The following DEUP1 variants were observed in gnomAD, a reference collection of about 807,000 sequenced individuals.
DEUP1 encodes deuterosome assembly protein 1, also known as coiled-coil domain containing 67.
A neutral mutation model predicts 87.4 loss-of-function variants in DEUP1; 82 were observed. The ratio of observed to expected loss-of-function variants is 0.94; its 90% CI spans 0.78 to 1.13. The LOEUF (loss-of-function observed/expected upper bound fraction) is 1.13, where lower values mean the gene tolerates loss of function less well. DEUP1 is among the 50% of genes most tolerant of loss of function. The pLI is 0.00. For synonymous variants in DEUP1, 214 were observed against 222.7 expected, an observed-to-expected ratio of 0.96 and a Z score of 0.35; for missense variants, 663 against 681.5, an observed-to-expected ratio of 0.97 and a Z score of 0.30.
chr11:93,358,246 T>C (rs1944990331), intron 4 of DEUP1, among the ~76,000 whole-genome samples: 1 of 152,198 alleles, frequency 6.6e-6, no homozygotes, highest in African/African-American at 2.4e-5. Flanking sequence ...GTTCTTGGCT[T>C]TGTTTACAGG....
At chr11:93,404,670 C>A (rs902166478) in intron 11 of DEUP1, among the ~76,000 whole-genome samples, 2 of 151,952 alleles carry the variant, frequency 1.3e-5, no homozygotes, top group Non-Finnish European at 2.9e-5. Context: ...CAGCCTCATC[C>A]TAATCTGTTG....
At chr11:93,429,437 C>T (rs917208791) in intron 13 of DEUP1, among the ~76,000 whole-genome samples, 1 of 152,116 alleles carries the variant, frequency 6.6e-6, no homozygotes, top group African/African-American at 2.4e-5. Flanking sequence ...TTCAGTCAAG[C>T]AATGGAAAAA....
At chr11:93,391,312 A>C (rs1172715516) in intron 9 of DEUP1, among the ~76,000 whole-genome samples, 2 of 152,208 alleles carry the variant, frequency 1.3e-5, no homozygotes, top group Non-Finnish European at 2.9e-5. Context: ...TTAAGAAAGA[A>C]GTTTTGCAGT....
Position 93,344,800 on chromosome 11 carries a change from A to G in DEUP1, c.30-10571A>G, listed in dbSNP as rs113542953. On this transcript the variant is annotated intron_variant, in intron 2 of 13. Coordinates refer to ENST00000298050, the MANE Select transcript of DEUP1 (RefSeq NM_181645.4). ...GAAAGTCATAATGGCATGTCTTGCC[A>G]ATGTGAAAATGGAAGTAATAAAATT... Among the ~76,000 whole-genome samples the G allele has an allele frequency of 1.4e-3, 219 of 152,264 alleles. 1 individual carries two copies. Among genetic ancestry groups the G allele is most frequent in the African/African-American group, 5.0e-3 (209 of 41,536 alleles).
chr11:93,349,986 A>G (rs1300715926), intron 2 of DEUP1, among the ~76,000 whole-genome samples: 1 of 152,222 alleles, frequency 6.6e-6, no homozygotes, highest in Non-Finnish European at 1.5e-5. Flanking sequence ...GGCTGGAGAC[A>G]GAATAACTAA....
At chr11:93,352,800 C>T (rs1418413307) in intron 2 of DEUP1, among the ~76,000 whole-genome samples, 5 of 152,226 alleles carry the variant, frequency 3.3e-5, no homozygotes, top group Middle Eastern at 3.4e-3. Flanking sequence ...TTCACTATCA[C>T]GAGAATAGCA....
intron 2 of DEUP1, among the ~76,000 whole-genome samples, chr11:93,335,908 A>G (rs905208844): frequency 2.6e-5 from 4 of 152,296 alleles, no homozygotes; most frequent in African/African-American, 9.6e-5. Flanking sequence ...TGAGGTTGGG[A>G]GTTCAAGACC....
Position 93,385,395 on chromosome 11 carries a change from C to T in DEUP1, c.790-3C>T. The T allele has an allele frequency of 6.2e-7, 1 of 1,611,484 alleles. No homozygotes were observed. Among genetic ancestry groups the T allele is most frequent in the East Asian group, 2.2e-5 (1 of 44,794 alleles). ...CATGAAATTTTTTGATGTTTTTATTCAGGCCATGGAAGCAGGTCTCTCAGA... is the reference window on the plus strand; with the variant it reads ...CATGAAATTTTTTGATGTTTTTATTTAGGCCATGGAAGCAGGTCTCTCAGA... On this transcript the variant is annotated splice_polypyrimidine_tract_variant and splice_region_variant and intron_variant, in intron 7 of 13. Transcript: ENST00000298050.
Position 93,437,742 on chromosome 11 carries a change from T to TGC in DEUP1, c.*23_*24insGC, listed in dbSNP as rs1565360125. The TGC allele has an allele frequency of 9.0e-7, 1 of 1,111,754 alleles. No individual in the cohort carries two copies. The highest frequency in any genetic ancestry group is 2.1e-5 in the African/African-American group (1 of 47,086). 68.9% of individuals were successfully genotyped at this position (1,111,754 alleles called of 1,614,324 possible). On this transcript the variant is annotated 3_prime_UTR_variant, in exon 14 of 14. Transcript: ENST00000298050. ...TGAGCTTTTAAACTTTTTTATTTGC[T>TGC]TCCCCCCCCCACCCCCGCCAAGAAA...
chr11:93,330,607 G>C (rs367812906), upstream of DEUP1: 11 of 152,570 alleles, frequency 7.2e-5, no homozygotes, highest in South Asian at 2.0e-3. Context: ...GCGCGGGGAG[G>C]GAGAGGCCCA....
intron 8 of DEUP1, among the ~76,000 whole-genome samples, 197 bp from the exon 9 acceptor site, chr11:93,388,823 G>T (rs1946673048): frequency 6.6e-6 from 1 of 151,816 alleles, no homozygotes; most frequent in African/African-American, 2.4e-5. Context: ...TTCTTCCATT[G>T]AAACCATTTG....
chr11:93,332,885 A>G (rs1000057269), intron 2 of DEUP1, among the ~76,000 whole-genome samples: 2 of 152,194 alleles, frequency 1.3e-5, no homozygotes, highest in Admixed American at 6.5e-5. Flanking sequence ...TCACTAGCCA[A>G]CTGACCACTG....
chr11:93,436,580 A>G (rs546179756), intron 13 of DEUP1, among the ~76,000 whole-genome samples: 1 of 152,342 alleles, frequency 6.6e-6, no homozygotes, highest in East Asian at 1.9e-4. Flanking sequence ...AGTTGGGCCT[A>G]CTGGTTGGAA....
At chr11:93,398,372 G>A (rs1470390886) in intron 11 of DEUP1, among the ~76,000 whole-genome samples, 2 of 152,062 alleles carry the variant, frequency 1.3e-5, no homozygotes, top group Non-Finnish European at 2.9e-5. Context: ...GAACAGTACT[G>A]TAAGAAAAAT....
chr11:93,331,625 T>C (rs1401016865), intron 1 of DEUP1, among the ~76,000 whole-genome samples: 1 of 152,192 alleles, frequency 6.6e-6, no homozygotes, highest in Non-Finnish European at 1.5e-5. Context: ...AATTTCTCTT[T>C]TAATGGGAAT....
At chr11:93,391,181 TTTTA>T (rs1331620977) in intron 9 of DEUP1, among the ~76,000 whole-genome samples, 2 of 152,150 alleles carry the variant, frequency 1.3e-5, no homozygotes, top group African/African-American at 4.8e-5. Context: ...CTTGCAAGTA[TTTTA>T]TTTCTTTTCC....
At chr11:93,418,867 T>C (rs1462792445) in intron 13 of DEUP1, among the ~76,000 whole-genome samples, 1 of 151,776 alleles carries the variant, frequency 6.6e-6, no homozygotes, top group Non-Finnish European at 1.5e-5. Flanking sequence ...AAATGATGAG[T>C]TCATGTCCTT....
intron 2 of DEUP1, among the ~76,000 whole-genome samples, chr11:93,341,271 T>C (rs1944058986): frequency 6.7e-6 from 1 of 149,860 alleles, no homozygotes; most frequent in South Asian, 2.1e-4. Context: ...AAAAAAAAAT[T>C]AGCTGGGTGT....
chr11:93,333,713 T>C (rs4132360), intron 2 of DEUP1, among the ~76,000 whole-genome samples: 16,297 of 152,202 alleles, frequency 0.11, 1,613 homozygotes, highest in African/African-American at 0.26. Context: ...TCCTAGAATA[T>C]ACACCAGGTT....
Sources: gnomAD v4.1 joint callset for allele counts (sites outside exome capture counted in the v4.1 genomes callset) on GRCh38, gnomAD v4.1.1 for gene constraint, MANE v1.5 for transcripts, NCBI Gene and HGNC (gene_info 2026-07-23, HGNC 2026-07-21) for gene names.